The following BCL2L1 variants were observed in gnomAD, a reference collection of about 807,000 sequenced individuals.
BCL2L1 encodes the protein BCL2 like 1, also known as bcl-2-like protein 1.
A neutral mutation model predicts 18.7 loss-of-function variants in BCL2L1; 1 was observed. That is an observed-to-expected ratio of 0.05 (90% CI 0.02 to 0.25). The LOEUF (loss-of-function observed/expected upper bound fraction) is 0.25, where lower values mean the gene tolerates loss of function less well. BCL2L1 is among the 10% of genes least tolerant of loss of function. BCL2L1 has a pLI of 1.00. For missense variants in BCL2L1, 207 were observed against 304.9 expected, an observed-to-expected ratio of 0.68 and a Z score of 2.39; for synonymous variants, 103 against 122.7, an observed-to-expected ratio of 0.84 and a Z score of 1.06.
chr20:31,713,704 G>T, intron 2 of BCL2L1: 1 of 522,552 alleles, frequency 1.9e-6, no homozygotes, highest in Non-Finnish European at 2.5e-6. Flanking sequence ...GAAGCCAGAT[G>T]ATGTGAGTGA....
chr20:31,707,889 T>C (rs1209637301), intron 2 of BCL2L1, among the ~76,000 whole-genome samples: 1 of 152,120 alleles, frequency 6.6e-6, no homozygotes, highest in African/African-American at 2.4e-5. Context: ...AGGATAACTA[T>C]TAAGCAAGTG....
chr20:31,689,624 C>T (rs2061026161), intron 2 of BCL2L1, among the ~76,000 whole-genome samples: 1 of 152,106 alleles, frequency 6.6e-6, no homozygotes. Flanking sequence ...TAAAATCAGT[C>T]TCTTCCATGC....
At chr20:31,689,526 G>A (rs766736835) in intron 2 of BCL2L1, among the ~76,000 whole-genome samples, 1 of 152,020 alleles carries the variant, frequency 6.6e-6, no homozygotes, top group Non-Finnish European at 1.5e-5. Context: ...CCTAGAGGCA[G>A]TAGTAGTCAG....
upstream of BCL2L1, chr20:31,723,943 A>T (rs2061675651): frequency 1.0e-6 from 1 of 985,438 alleles, no homozygotes; most frequent in Non-Finnish European, 1.2e-6. Flanking sequence ...TTGCAAGCTC[A>T]GTCACTTCCG....
At chr20:31,697,283 G>A (rs1348255811) in intron 2 of BCL2L1, among the ~76,000 whole-genome samples, 2 of 152,044 alleles carry the variant, frequency 1.3e-5, no homozygotes, top group African/African-American at 2.4e-5. Flanking sequence ...GATAAGCTTG[G>A]GGAAGGCTTC....
rs376431497 is a variant in BCL2L1, at chr20:31,722,077, G to A, written c.142C>T (p.Pro48Ser). Reference sequence around the variant, plus strand: ...GATGGGTTGCCATTGATGGCACTGGGGGTCTCCATCTCCGATTCAGTCCCT... The same window carrying A: ...GATGGGTTGCCATTGATGGCACTGGAGGTCTCCATCTCCGATTCAGTCCCT... ...PEGTESEMET[P>S]SAINGNPSWH... is the part of the protein sequence containing the mutation. The change falls in exon 2 of 3, where the codon CCC (proline) becomes TCC (serine). Residue 48 changes from proline to serine, a missense_variant. By Grantham distance (74) the Pro-to-Ser change is moderately conservative. Coordinates refer to ENST00000307677, the MANE Select transcript of BCL2L1 (RefSeq NM_138578.3). 6.3e-7 allele frequency: 1 copy of A among 1,596,328 alleles called. No homozygotes were observed.
intron 2 of BCL2L1, among the ~76,000 whole-genome samples, chr20:31,670,818 G>A (rs2060657142): frequency 6.6e-6 from 1 of 152,120 alleles, no homozygotes; most frequent in African/African-American, 2.4e-5. Context: ...TTTAGCCCAT[G>A]GTTCACACGA....
intron 2 of BCL2L1, among the ~76,000 whole-genome samples, chr20:31,715,754 A>G (rs1435703467): frequency 6.6e-6 from 1 of 152,184 alleles, no homozygotes; most frequent in East Asian, 1.9e-4. Flanking sequence ...ATTCACATCT[A>G]AAAAGGAAAT....
chr20:31,711,448 T>C (rs2061451875), intron 2 of BCL2L1, among the ~76,000 whole-genome samples: 1 of 152,152 alleles, frequency 6.6e-6, no homozygotes, highest in African/African-American at 2.4e-5. Context: ...ATGGCACATG[T>C]AGACTGATTC....
At chr20:31,696,651 G>A (rs554940607) in intron 2 of BCL2L1, among the ~76,000 whole-genome samples, 8 of 152,182 alleles carry the variant, frequency 5.3e-5, no homozygotes, top group African/African-American at 1.4e-4. Flanking sequence ...GCTGGCTAAC[G>A]CCTGTAATCG....
In BCL2L1 at chr20:31,722,091, G is replaced by A. The variant is rs145910874; in HGVS notation, c.128C>T (p.Ser43Leu). ...GATGGCACTGGGGGTCTCCATCTCC[G>A]ATTCAGTCCCTTCTGGGGCCTCAGT... is the stretch of plus-strand genomic sequence containing the variant. ...NRTEAPEGTESEMETPSAING... is the reference protein window; with the variant it reads ...NRTEAPEGTELEMETPSAING... The change falls in exon 2 of 3, where the codon TCG (serine) becomes TTG (leucine). Residue 43 changes from serine to leucine, a missense_variant. Ser to Leu is a moderately radical substitution (Grantham distance 145). Transcript: ENST00000307677. 1.0e-4 allele frequency: 159 copies of A among 1,588,516 alleles called. No individual in the cohort carries two copies. The highest frequency in any genetic ancestry group is 1.7e-4 in the African/African-American group (13 of 74,574).
chr20:31,723,837 G>GGCCGGCCTACCTGGCT, upstream of BCL2L1: 148 of 985,364 alleles, frequency 1.5e-4, no homozygotes, highest in Middle Eastern at 1.5e-3. Flanking sequence ...CGCGGACCCG[G>GGCCGGCCTACCTGGCT]GCCGGCCTAC....
At position 31,681,172 on chromosome 20, in the gene BCL2L1, C is replaced by T. The variant is rs1222328355; in HGVS notation, c.565-15086G>A. ...AAGACTTGGGCTTGTCCTGGGAAAGCACTGTAGGGTTTTGAGCAGGGGAAG... is the reference window on the plus strand; with the variant it reads ...AAGACTTGGGCTTGTCCTGGGAAAGTACTGTAGGGTTTTGAGCAGGGGAAG... On this transcript the variant is annotated intron_variant, in intron 2 of 2. Transcript: ENST00000307677. Among the ~76,000 whole-genome samples the T allele has an allele frequency of 2.0e-5, 3 of 152,178 alleles. No homozygotes were observed. In the East Asian group the frequency reaches 5.8e-4, roughly 29 times the overall value.
intron 2 of BCL2L1, among the ~76,000 whole-genome samples, chr20:31,695,943 T>C (rs1339653430): frequency 2.0e-5 from 3 of 152,144 alleles, no homozygotes; most frequent in Non-Finnish European, 4.4e-5. Flanking sequence ...AAATACTACC[T>C]CACATGTTAT....
At chr20:31,671,361 C>T (rs2060666203) in intron 2 of BCL2L1, among the ~76,000 whole-genome samples, 1 of 152,136 alleles carries the variant, frequency 6.6e-6, no homozygotes, top group Admixed American at 6.5e-5. Context: ...GAGGCTTCAA[C>T]AGTCCTGGCC....
intron 2 of BCL2L1, among the ~76,000 whole-genome samples, chr20:31,700,237 A>G (rs187300303): frequency 3.1e-4 from 47 of 152,292 alleles, no homozygotes; most frequent in African/African-American, 1.1e-3. Flanking sequence ...CGAATCGCCA[A>G]ATGAATAGCA....
Position 31,722,171 on chromosome 20 carries a change from C to T in BCL2L1, c.48G>A (p.Lys16=). 6.7e-7 allele frequency: 1 copy of T among 1,501,094 alleles called. No homozygotes were observed. The highest frequency in any genetic ancestry group is 1.3e-5 in the South Asian group (1 of 74,798). 93.0% of individuals were successfully genotyped at this position (1,501,094 alleles called of 1,614,324 possible). A position where few individuals can be genotyped will look rare whatever the true frequency, so the allele number is the denominator to read the frequency against. ...RELVVDFLSY[K]LSQKGYSWSQ... Reference sequence around the variant, plus strand: ...TCCAGCTGTATCCTTTCTGGGAAAGCTTGTAGGAGAGAAAGTCAACCACCA... The same window carrying T: ...TCCAGCTGTATCCTTTCTGGGAAAGTTTGTAGGAGAGAAAGTCAACCACCA... The change falls in exon 2 of 3, where the codon AAG becomes AAA. Residue 16 remains lysine (K), a synonymous_variant. Coordinates refer to ENST00000307677, the MANE Select transcript of BCL2L1 (RefSeq NM_138578.3).
chr20:31,694,155 T>TA (rs2122648601), intron 2 of BCL2L1, among the ~76,000 whole-genome samples: 1 of 152,202 alleles, frequency 6.6e-6, no homozygotes, highest in East Asian at 1.9e-4. Context: ...CTGGCACCTG[T>TA]AGGGGGGGCT....
At chr20:31,708,344 T>G (rs558931777) in intron 2 of BCL2L1, among the ~76,000 whole-genome samples, 8 of 152,334 alleles carry the variant, frequency 5.3e-5, no homozygotes, top group Non-Finnish European at 7.4e-5. Context: ...CCTGTACATG[T>G]GATACAGTGT....
Sources: gnomAD v4.1 joint callset for allele counts (sites outside exome capture counted in the v4.1 genomes callset) on GRCh38, gnomAD v4.1.1 for gene constraint, MANE v1.5 for transcripts, NCBI Gene and HGNC (gene_info 2026-07-23, HGNC 2026-07-21) for gene names.